Variants in GRIP1 observed in about 807,000 individuals in gnomAD.
GRIP1 encodes the protein glutamate receptor interacting protein 1.
In GRIP1, 45 loss-of-function variants were observed where a neutral mutation model predicts 129.9. The observed-to-expected ratio is 0.35, with a 90% CI of 0.27 to 0.44. GRIP1 has a LOEUF of 0.44. Ranked by LOEUF, GRIP1 falls within the 20% of genes least tolerant of loss-of-function variation. The pLI is 1.00. For synonymous variants in GRIP1, 530 were observed against 520.8 expected, an observed-to-expected ratio of 1.02 and a Z score of -0.24; for missense variants, 1,196 against 1,396.8, an observed-to-expected ratio of 0.86 and a Z score of 2.29.
chr12:66,755,276 T>C (rs1486364266), intron 1 of GRIP1, among the ~76,000 whole-genome samples: 3 of 152,234 alleles, frequency 2.0e-5, no homozygotes, highest in African/African-American at 7.2e-5. Context: ...CTGCTCTCTT[T>C]CATTGCATTA....
At chr12:66,723,300 CTTTCTTTTTTTTTTTTTTTTTTT>C (rs2036145221) in intron 1 of GRIP1, among the ~76,000 whole-genome samples, 1 of 42,566 alleles carries the variant, frequency 2.3e-5, no homozygotes, top group African/African-American at 1.2e-4. Context: ...TTCTTTCTTT[CTTTCTTTTTTTTTTTTTTTTTTT>C]TTTTTTTGAG....
intron 1 of GRIP1, among the ~76,000 whole-genome samples, chr12:66,841,709 G>C (rs967616820): frequency 1.3e-5 from 2 of 152,142 alleles, no homozygotes; most frequent in African/African-American, 4.8e-5. Flanking sequence ...GCCACAGTTA[G>C]CTGACAAAAC....
chr12:66,460,382 C>T (rs757558919), intron 9 of GRIP1, among the ~76,000 whole-genome samples: 62 of 152,166 alleles, frequency 4.1e-4, no homozygotes, highest in Non-Finnish European at 5.0e-4. Context: ...TCAGGATGTT[C>T]GAGAGAGCAG....
chr12:66,527,092 T>C (rs2061271317), intron 5 of GRIP1, among the ~76,000 whole-genome samples: 1 of 146,802 alleles, frequency 6.8e-6, no homozygotes, highest in South Asian at 2.2e-4. Flanking sequence ...TGTAAACTAG[T>C]TCAACCATTG....
chr12:66,893,213 G>C (rs987400707), intron 1 of GRIP1, among the ~76,000 whole-genome samples: 2 of 151,924 alleles, frequency 1.3e-5, no homozygotes, highest in African/African-American at 4.8e-5. Context: ...ATGTCCTTGA[G>C]ATCCATGCAA....
rs929851348 is a variant in GRIP1 at position 66,500,943 on chromosome 12, C to T, written c.724+14676G>A. On this transcript the variant is annotated intron_variant, in intron 7 of 24. Transcript: ENST00000359742. ...TCTGAGAATTTGCAGTAGAGAAACTCTTCTTTAATCTTAAAAGTAAACCAG... is the reference window on the plus strand; with the variant it reads ...TCTGAGAATTTGCAGTAGAGAAACTTTTCTTTAATCTTAAAAGTAAACCAG... Among the ~76,000 whole-genome samples, 4 of 152,210 alleles carry T rather than the reference C, an allele frequency of 2.6e-5. No individual in the cohort carries two copies. In the South Asian group the frequency reaches 6.2e-4, roughly 24 times the overall value.
intron 1 of GRIP1, among the ~76,000 whole-genome samples, chr12:66,757,490 G>GCTTT: frequency 6.6e-6 from 1 of 152,060 alleles, no homozygotes; most frequent in Admixed American, 6.5e-5. Flanking sequence ...GATGAACAAA[G>GCTTT]GTTCATCAGC....
chr12:66,980,805 T>C (rs550956358), intron 1 of GRIP1, among the ~76,000 whole-genome samples: 52 of 152,332 alleles, frequency 3.4e-4, no homozygotes, highest in African/African-American at 1.2e-3. Context: ...AGTGTCTCTA[T>C]TACAAATCCA....
intron 23 of GRIP1, among the ~76,000 whole-genome samples, chr12:66,357,670 T>A (rs1033149490): frequency 5.3e-5 from 8 of 152,254 alleles, no homozygotes; most frequent in African/African-American, 1.9e-4. Context: ...CTAAATGATT[T>A]TGTAAAGGAG....
intron 1 of GRIP1, among the ~76,000 whole-genome samples, chr12:66,859,048 G>C (rs561408692): frequency 6.6e-6 from 1 of 151,802 alleles, no homozygotes; most frequent in South Asian, 2.1e-4. Flanking sequence ...AATCTGTCCA[G>C]GTATTTTTTC....
chr12:66,404,771 C>T (rs1276342141), intron 16 of GRIP1, among the ~76,000 whole-genome samples: 2 of 152,150 alleles, frequency 1.3e-5, no homozygotes, highest in Admixed American at 1.3e-4. Context: ...GTGGCTCACA[C>T]CTGTAATCCC....
At chr12:66,964,320 A>G (rs2041965726) in intron 1 of GRIP1, among the ~76,000 whole-genome samples, 1 of 152,152 alleles carries the variant, frequency 6.6e-6, no homozygotes, top group Non-Finnish European at 1.5e-5. Context: ...TCTAGAGGAG[A>G]GATACTGACA....
At chr12:66,458,504 C>T (rs2059034772) in intron 9 of GRIP1, among the ~76,000 whole-genome samples, 1 of 152,176 alleles carries the variant, frequency 6.6e-6, no homozygotes, top group African/African-American at 2.4e-5. Flanking sequence ...CTCACCTCAC[C>T]CTACCCAGTA....
intron 19 of GRIP1, among the ~76,000 whole-genome samples, chr12:66,388,096 A>G (rs2056431735): frequency 6.6e-6 from 1 of 152,084 alleles, no homozygotes; most frequent in African/African-American, 2.4e-5. Context: ...CTAGAGTAAA[A>G]CTAATAAATA....
At chr12:66,914,792 T>C (rs2041091769) in intron 1 of GRIP1, among the ~76,000 whole-genome samples, 1 of 152,100 alleles carries the variant, frequency 6.6e-6, no homozygotes, top group Admixed American at 6.5e-5. Context: ...AAAACAAATA[T>C]CAAGATACTG....
chr12:66,693,241 C>G (rs568576319), intron 1 of GRIP1, among the ~76,000 whole-genome samples: 1 of 152,114 alleles, frequency 6.6e-6, no homozygotes, highest in African/African-American at 2.4e-5. Context: ...TAAGTACGCT[C>G]GTTTTGCCTG....
At chr12:67,014,174 G>A (rs944930204) in intron 1 of GRIP1, among the ~76,000 whole-genome samples, 4 of 152,048 alleles carry the variant, frequency 2.6e-5, no homozygotes, top group African/African-American at 7.2e-5. Flanking sequence ...CCAATAAAAC[G>A]CTTCTACTAT....
chr12:67,011,649 T>A (rs1452016097), intron 1 of GRIP1, among the ~76,000 whole-genome samples: 1 of 152,068 alleles, frequency 6.6e-6, no homozygotes, highest in Non-Finnish European at 1.5e-5. Context: ...ACTTAAATCC[T>A]ACTTTCTCAA....
intron 7 of GRIP1, among the ~76,000 whole-genome samples, chr12:66,477,566 G>T (rs1383344555): frequency 6.6e-6 from 1 of 152,026 alleles, no homozygotes; most frequent in South Asian, 2.1e-4. Context: ...AGCCTGCATT[G>T]CCAAGTCAAT....
Sources: allele counts gnomAD v4.1 joint callset (sites outside exome capture counted in the v4.1 genomes callset), GRCh38; gene constraint gnomAD v4.1.1; transcripts MANE v1.5; gene names NCBI Gene and HGNC (gene_info 2026-07-23, HGNC 2026-07-21).